Variants in DHX32 observed in about 807,000 individuals in gnomAD.
DHX32 encodes DEAH-box helicase 32 (putative).
DHX32 carries 51 observed loss-of-function variants against 70.0 expected under a neutral mutation model. That is an observed-to-expected ratio of 0.73 (90% CI 0.58 to 0.92). The LOEUF is 0.92. DHX32 is among the 40% of genes least tolerant of loss of function. The pLI is 0.00. For missense variants in DHX32, 762 were observed against 891.8 expected, an observed-to-expected ratio of 0.85 and a Z score of 1.85; for synonymous variants, 310 against 315.3, an observed-to-expected ratio of 0.98 and a Z score of 0.18.
At chr10:125,875,457 T>C (rs1044786504) in intron 1 of DHX32, among the ~76,000 whole-genome samples, 2 of 152,088 alleles carry the variant, frequency 1.3e-5, no homozygotes, top group African/African-American at 2.4e-5. Flanking sequence ...TGGGGGCAAT[T>C]TGAACAACAA....
rs530841311 is a variant in DHX32, at chr10:125,877,999, A to G, written c.282+2544T>C. 1.6e-4 allele frequency among the ~76,000 whole-genome samples: 24 copies of G among 152,364 alleles called. 1 individual carries two copies. In the South Asian group the frequency reaches 5.0e-3, roughly 32 times the overall value. On this transcript the variant is annotated intron_variant, in intron 1 of 10. Coordinates refer to ENST00000284690, the MANE Select transcript of DHX32 (RefSeq NM_018180.3). ...TCTAATTCTTACATCGCGAGAATCT[A>G]GAAATGAATTTCATGATAAAAATAC... is the stretch of plus-strand genomic sequence containing the variant.
At chr10:125,893,010 C>T (rs559444250) in intron 1 of DHX32, among the ~76,000 whole-genome samples, 19 of 152,262 alleles carry the variant, frequency 1.2e-4, no homozygotes, top group African/African-American at 3.1e-4. Flanking sequence ...ACAGAAGAAG[C>T]GTAAGTCATG....
intron 1 of DHX32, among the ~76,000 whole-genome samples, chr10:125,889,312 T>C (rs1944356686): frequency 6.6e-6 from 1 of 152,214 alleles, no homozygotes; most frequent in Non-Finnish European, 1.5e-5. Context: ...AACTATGTGA[T>C]CAATAAATAT....
intron 2 of DHX32, among the ~76,000 whole-genome samples, chr10:125,864,964 A>AAAAG (rs1564829178): frequency 1.9e-4 from 28 of 144,772 alleles, no homozygotes; most frequent in South Asian, 4.3e-4. Flanking sequence ...AAAAAAAAAA[A>AAAAG]AAAGAAAGAA....
At chr10:125,867,659 C>T (rs937996893) in intron 1 of DHX32, among the ~76,000 whole-genome samples, 4 of 151,300 alleles carry the variant, frequency 2.6e-5, no homozygotes, top group Non-Finnish European at 4.4e-5. Context: ...TGGCGTGAAC[C>T]CGGGAGGCGG....
At chr10:125,838,461 A>G in intron 9 of DHX32, 74 bp from the exon 10 acceptor site, 2 of 1,337,058 alleles carry the variant, frequency 1.5e-6, no homozygotes, top group Non-Finnish European at 2.0e-6. Context: ...GTTTGTTGAA[A>G]AAAATACCAA....
At chr10:125,875,808 G>A (rs1340884940) in intron 1 of DHX32, among the ~76,000 whole-genome samples, 1 of 152,146 alleles carries the variant, frequency 6.6e-6, no homozygotes, top group Admixed American at 6.5e-5. Context: ...TTCCTGCAGT[G>A]GGCCAAGCTA....
intron 10 of DHX32, among the ~76,000 whole-genome samples, chr10:125,837,903 A>C (rs1338436480): frequency 6.6e-6 from 1 of 152,150 alleles, no homozygotes; most frequent in Non-Finnish European, 1.5e-5. Flanking sequence ...AAGATGGCTA[A>C]GCTCATTCCT....
intron 6 of DHX32, among the ~76,000 whole-genome samples, chr10:125,843,148 CAGGATTTATGAGCCACT>C (rs1854927683): frequency 6.6e-6 from 1 of 152,056 alleles, no homozygotes; most frequent in South Asian, 2.1e-4. Flanking sequence ...CCCAAAACTG[CAGGATTTATGAGCCACT>C]AGGTTGGTTT....
At chr10:125,848,980 T>C (rs1027754287) in intron 6 of DHX32, among the ~76,000 whole-genome samples, 3 of 152,232 alleles carry the variant, frequency 2.0e-5, no homozygotes, top group Non-Finnish European at 4.4e-5. Flanking sequence ...CCTGGCAGCC[T>C]GGCCCAAGAG....
upstream of DHX32, among the ~76,000 whole-genome samples, chr10:125,886,194 C>G (rs1227829101): frequency 6.6e-6 from 1 of 152,268 alleles, no homozygotes; most frequent in Non-Finnish European, 1.5e-5. Context: ...CTCAGATATC[C>G]AAATGGCTAG....
At position 125,854,216 on chromosome 10, in the gene DHX32, A is replaced by C; in HGVS notation, c.850-13T>G. 2 of 1,566,080 alleles carry C rather than the reference A, an allele frequency of 1.3e-6. No homozygotes were observed. The highest frequency in any genetic ancestry group is 1.8e-4 in the Middle Eastern group (1 of 5,414). Reference sequence around the variant, plus strand: ...CTTTCTCAATATCCTAAAGAAAAAAAAACCCATGAAAATAAAATACAATGC... The same window carrying C: ...CTTTCTCAATATCCTAAAGAAAAAACAACCCATGAAAATAAAATACAATGC... On this transcript the variant is annotated splice_polypyrimidine_tract_variant and intron_variant, in intron 3 of 10. Coordinates refer to ENST00000284690, the MANE Select transcript of DHX32 (RefSeq NM_018180.3).
chr10:125,880,708 T>A lies in DHX32; in HGVS notation c.117A>T (p.Glu39Asp). The A allele has an allele frequency of 6.2e-7, 1 of 1,614,186 alleles. No homozygotes were observed. The highest frequency in any genetic ancestry group is 8.5e-7 in the Non-Finnish European group (1 of 1,180,040). Residue 39 changes from glutamate (E) to aspartate (D), a missense_variant, in exon 1 of 11, where the codon GAA becomes GAT. Coordinates refer to ENST00000284690, the MANE Select transcript of DHX32 (RefSeq NM_018180.3). ...ATGGCAATCCATCAAAGGGGTTAAGTTCCAAATCCTCACAGGCCAAAACCT... is the reference window on the plus strand; with the variant it reads ...ATGGCAATCCATCAAAGGGGTTAAGATCCAAATCCTCACAGGCCAAAACCT... ...EEEVLACEDL[E>D]LNPFDGLPYS...
intron 10 of DHX32, among the ~76,000 whole-genome samples, chr10:125,837,757 C>G (rs1854741628): frequency 2.0e-5 from 3 of 152,178 alleles, no homozygotes; most frequent in Admixed American, 2.0e-4. Flanking sequence ...TTAAAATGCT[C>G]CAATTGCTGT....
At position 125,852,550 on chromosome 10, in the gene DHX32, AG is replaced by A; in HGVS notation, c.1184del (p.Ser395PhefsTer19). On this transcript the variant is annotated frameshift_variant, in exon 5 of 11. Coordinates refer to ENST00000284690, the MANE Select transcript of DHX32 (RefSeq NM_018180.3). LOFTEE classifies it high-confidence loss of function. ...TTGTGTCCACAGCACTACCTGAAGAAGATGAGCCAAGAATCTGCTTGCGTAT... is the reference window on the plus strand; with the variant it reads ...TTGTGTCCACAGCACTACCTGAAGAAATGAGCCAAGAATCTGCTTGCGTAT... ...AEIRKQILGSSSSGKFFCLYT... is the reference protein window; with the variant it reads ...AEIRKQILGSXSSGKFFCLYT... The A allele has an allele frequency of 6.2e-7, 1 of 1,613,552 alleles. No homozygotes were observed. The highest frequency in any genetic ancestry group is 8.5e-7 in the Non-Finnish European group (1 of 1,179,756).
intron 4 of DHX32, 173 bp downstream of exon 4, chr10:125,853,788 C>T: frequency 1.4e-6 from 1 of 695,502 alleles, no homozygotes. Context: ...CTAATGGAAT[C>T]AAGACTTTTG....
chr10:125,841,117 AAT>A (rs1854865754), intron 7 of DHX32, 121 bp from the exon 8 acceptor site: 2 of 1,371,906 alleles, frequency 1.5e-6, no homozygotes, highest in African/African-American at 2.9e-5. Flanking sequence ...ACTCTGAATA[AAT>A]ATGTTATTCT....
chr10:125,861,377 G>A (rs975157752), intron 2 of DHX32, among the ~76,000 whole-genome samples: 3 of 151,986 alleles, frequency 2.0e-5, no homozygotes, highest in African/African-American at 7.2e-5. Context: ...GGCGCCTGTA[G>A]TACCAGCTAC....
Position 125,889,411 on chromosome 10 carries a change from A to T in DHX32, c.-248+6807T>A, listed in dbSNP as rs190599168. 6.0e-4 allele frequency among the ~76,000 whole-genome samples: 91 copies of T among 152,334 alleles called. 1 individual carries two copies. Among genetic ancestry groups the T allele is most frequent in the Middle Eastern group, 6.8e-3 (2 of 294 alleles). On this transcript the variant is annotated intron_variant, in intron 1 of 2. Coordinates refer to the DHX32 transcript ENST00000415732. The stretch of plus-strand genomic sequence containing the variant: ...TAATGAGGTATTATGAGTGAATAAT[A>T]ACGTCTTCAGAATAAAGGACTATTA...
Sources: allele counts gnomAD v4.1 joint callset (sites outside exome capture counted in the v4.1 genomes callset), GRCh38; gene constraint gnomAD v4.1.1; transcripts MANE v1.5; gene names NCBI Gene and HGNC (gene_info 2026-07-23, HGNC 2026-07-21).